The following CC2D2B variants were observed in gnomAD, a reference collection of about 807,000 sequenced individuals.
CC2D2B encodes the protein coiled-coil and C2 domain containing 2B, also known as protein CC2D2B.
Under a neutral mutation model 161.2 loss-of-function variants are expected in CC2D2B, and 128 were observed. The ratio of observed to expected loss-of-function variants is 0.79; its 90% CI spans 0.69 to 0.92. The LOEUF (loss-of-function observed/expected upper bound fraction) is 0.92, where lower values mean the gene tolerates loss of function less well. CC2D2B is among the 40% of genes least tolerant of loss of function. The pLI is 0.00. For missense variants in CC2D2B, 1,173 were observed against 1,375.1 expected (o/e 0.85, Z 2.32); for synonymous variants, 391 against 449.8 (o/e 0.87, Z 1.65).
chr10:95,922,311 C>T (rs533879510), intron 3 of CC2D2B, among the ~76,000 whole-genome samples: 7 of 152,194 alleles, frequency 4.6e-5, no homozygotes, highest in Non-Finnish European at 1.0e-4. Context: ...GGAGATTCCA[C>T]TGGCGGTGAG....
intron 24 of CC2D2B, among the ~76,000 whole-genome samples, chr10:96,000,436 T>C (rs2078434586): frequency 6.6e-6 from 1 of 152,146 alleles, no homozygotes; most frequent in Non-Finnish European, 1.5e-5. Context: ...CGATCTGGGC[T>C]CACTGCAAGC....
intron 33 of CC2D2B, among the ~76,000 whole-genome samples, chr10:96,026,262 G>T (rs534739903): frequency 6.6e-6 from 1 of 152,120 alleles, no homozygotes; most frequent in Non-Finnish European, 1.5e-5. Context: ...TTTCAGGAGA[G>T]CCCCATCAAC....
chr10:95,910,310 A>G (rs1474326261), intron 1 of CC2D2B, among the ~76,000 whole-genome samples: 1 of 152,238 alleles, frequency 6.6e-6, no homozygotes, highest in African/African-American at 2.4e-5. Flanking sequence ...GGTAATTTAT[A>G]AAGAAAAGAG....
At chr10:96,006,999 T>C (rs1462838995) in intron 25 of CC2D2B, among the ~76,000 whole-genome samples, 1 of 152,210 alleles carries the variant, frequency 6.6e-6, no homozygotes, top group Non-Finnish European at 1.5e-5. Context: ...AGAGGATGCA[T>C]AAGGAACTAA....
chr10:95,995,535 C>T (rs932916800), intron 23 of CC2D2B, among the ~76,000 whole-genome samples, 170 bp downstream of exon 23: 22 of 152,188 alleles, frequency 1.4e-4, no homozygotes, highest in African/African-American at 4.3e-4. Flanking sequence ...TCATTCCCTG[C>T]TCTCAGGGTC....
At chr10:96,021,271 C>A (rs10786261) in intron 32 of CC2D2B, 59,342 of 151,988 alleles carry the variant, frequency 0.39, 12,197 homozygotes, top group East Asian at 0.83. Context: ...GGAACATTCA[C>A]GGGGAGACAA....
At chr10:95,910,939 CTT>C (rs2098505282) in intron 1 of CC2D2B, among the ~76,000 whole-genome samples, 1 of 152,048 alleles carries the variant, frequency 6.6e-6, no homozygotes. Context: ...AAGATACTGA[CTT>C]TTACATATAT....
intron 18 of CC2D2B, among the ~76,000 whole-genome samples, chr10:95,982,979 C>T (rs576662073): frequency 6.6e-6 from 1 of 151,966 alleles, no homozygotes; most frequent in East Asian, 1.9e-4. Context: ...ACCATGTTGG[C>T]CAAGCTGGTC....
At chr10:95,968,924 T>C in intron 15 of CC2D2B, 23 bp downstream of exon 15, 2 of 1,195,368 alleles carry the variant, frequency 1.7e-6, no homozygotes, top group Non-Finnish European at 2.1e-6. Flanking sequence ...CATTTACTTT[T>C]GTATCTTATT....
intron 16 of CC2D2B, among the ~76,000 whole-genome samples, chr10:95,972,495 G>A (rs973842385): frequency 1.3e-5 from 2 of 152,074 alleles, no homozygotes; most frequent in African/African-American, 2.4e-5. Context: ...TGTATTTTTA[G>A]TAGAGACAGG....
chr10:95,941,729 T>G (rs1363493763), intron 9 of CC2D2B, among the ~76,000 whole-genome samples: 1 of 152,178 alleles, frequency 6.6e-6, no homozygotes, highest in African/African-American at 2.4e-5. Flanking sequence ...ATTAGAACCC[T>G]TGTACACTGT....
chr10:95,908,413 A>T (rs2098499878), intron 1 of CC2D2B, among the ~76,000 whole-genome samples: 1 of 152,230 alleles, frequency 6.6e-6, no homozygotes, highest in Non-Finnish European at 1.5e-5. Context: ...AATGAACAAA[A>T]ATTCGCATTA....
chr10:95,941,831 C>A (rs1274266718), intron 9 of CC2D2B, among the ~76,000 whole-genome samples: 1 of 152,150 alleles, frequency 6.6e-6, no homozygotes, highest in Non-Finnish European at 1.5e-5. Flanking sequence ...ATCCAACAAT[C>A]TCACTTCTGG....
intron 26 of CC2D2B, among the ~76,000 whole-genome samples, chr10:96,011,912 G>A (rs1055735201): frequency 6.6e-6 from 1 of 151,868 alleles, no homozygotes. Context: ...GAGCTTTATC[G>A]CTGGTATCGT....
intron 20 of CC2D2B, among the ~76,000 whole-genome samples, chr10:95,989,282 G>A (rs959046248): frequency 6.6e-5 from 10 of 152,126 alleles, no homozygotes; most frequent in African/African-American, 1.7e-4. Context: ...TTACAAAAAC[G>A]GACAATATTA....
chr10:95,938,750 C>T (rs754254432), intron 8 of CC2D2B, 45 bp downstream of exon 8: 8 of 702,500 alleles, frequency 1.1e-5, no homozygotes, highest in African/African-American at 1.8e-5. Flanking sequence ...TACTATGTGA[C>T]TTATTTAGCA....
intron 19 of CC2D2B, among the ~76,000 whole-genome samples, chr10:95,985,682 G>A (rs1478310928): frequency 6.6e-6 from 1 of 152,178 alleles, no homozygotes; most frequent in Non-Finnish European, 1.5e-5. Context: ...CAGGGAACAA[G>A]GGAGATAACC....
At chr10:95,914,352 C>T (rs1263256259) in intron 2 of CC2D2B, among the ~76,000 whole-genome samples, 1 of 151,850 alleles carries the variant, frequency 6.6e-6, no homozygotes, top group Non-Finnish European at 1.5e-5. Flanking sequence ...TATTTTAATG[C>T]CAGTGCCATG....
chr10:95,945,080 G>A (rs887252288), intron 9 of CC2D2B, among the ~76,000 whole-genome samples: 7 of 152,200 alleles, frequency 4.6e-5, no homozygotes, highest in African/African-American at 1.7e-4. Flanking sequence ...AGCGGACACA[G>A]CAAAAAGGTC....
Sources: gnomAD v4.1 joint callset for allele counts (sites outside exome capture counted in the v4.1 genomes callset) on GRCh38, gnomAD v4.1.1 for gene constraint, MANE v1.5 for transcripts, NCBI Gene and HGNC (gene_info 2026-07-23, HGNC 2026-07-21) for gene names.